Variants in SEPTIN3 observed in about 807,000 individuals in gnomAD.
The protein encoded by SEPTIN3 is septin 3, also known as neuronal-specific septin-3.
In SEPTIN3, 15 loss-of-function variants were observed where a neutral mutation model predicts 45.1. The ratio of observed to expected loss-of-function variants is 0.33; its 90% CI spans 0.22 to 0.51. SEPTIN3 has a LOEUF of 0.51. Among genes scored for constraint, SEPTIN3 ranks in the 20% least tolerant of loss-of-function variants. SEPTIN3 has a pLI of 0.97. For synonymous variants in SEPTIN3, 148 were observed against 164.8 expected, an observed-to-expected ratio of 0.90 and a Z score of 0.78; for missense variants, 289 against 457.2, an observed-to-expected ratio of 0.63 and a Z score of 3.35.
intron 2 of SEPTIN3, among the ~76,000 whole-genome samples, chr22:41,978,849 G>T (rs1218370493): frequency 6.6e-6 from 1 of 151,494 alleles, no homozygotes; most frequent in Non-Finnish European, 1.5e-5. Context: ...CACATCAGAA[G>T]GCAAAGCAGA....
intron 2 of SEPTIN3, among the ~76,000 whole-genome samples, chr22:41,978,416 A>G (rs1009550682): frequency 6.6e-6 from 1 of 152,178 alleles, no homozygotes; most frequent in African/African-American, 2.4e-5. Flanking sequence ...CATTCTGTAT[A>G]ACCTTCATAG....
At position 41,994,349 on chromosome 22, in the gene SEPTIN3, G is replaced by A; in HGVS notation, c.2411+8G>A. 1.2e-6 allele frequency: 2 copies of A among 1,613,890 alleles called. No individual in the cohort carries two copies. Among genetic ancestry groups the A allele is most frequent in the South Asian group, 1.1e-5 (1 of 91,084 alleles). ...TCGAGACTTTGTCATCAGGTAAGATGTCTCCCCTCCAGCTGTCCAGACAGC... is the reference window on the plus strand; with the variant it reads ...TCGAGACTTTGTCATCAGGTAAGATATCTCCCCTCCAGCTGTCCAGACAGC... On this transcript the variant is annotated splice_region_variant and intron_variant, in intron 10 of 11. Coordinates refer to ENST00000644076, the MANE Select transcript of SEPTIN3 (RefSeq NM_001363845.2). The surrounding 1 kb of genome is among the most constrained non-coding windows in gnomAD (Gnocchi z 4.2).
rs138798060 is a variant in SEPTIN3, at chr22:41,990,834, C to T, written c.2164-739C>T. ...ATCCCAGCACTTTGGGAGGCCAAGG[C>T]GGGTGGATCACCTAAGGTCAGGAGT... On this transcript the variant is annotated intron_variant, in intron 7 of 11. Coordinates refer to ENST00000644076, the MANE Select transcript of SEPTIN3 (RefSeq NM_001363845.2). Among the ~76,000 whole-genome samples the T allele has an allele frequency of 3.2e-3, 483 of 150,826 alleles. 1 individual carries two copies. Among genetic ancestry groups the T allele is most frequent in the Non-Finnish European group, 4.8e-3 (327 of 67,886 alleles).
Position 41,997,693 on chromosome 22 carries a change from G to C in SEPTIN3, c.*726G>C, listed in dbSNP as rs561472964. ...CCCCAGAAACCCACAATATGTACAC[G>C]CTAAGGAAAAACTAGCACCCTTCTG... On this transcript the variant is annotated 3_prime_UTR_variant, in exon 12 of 12. Coordinates refer to ENST00000644076, the MANE Select transcript of SEPTIN3 (RefSeq NM_001363845.2). The C allele has an allele frequency of 6.6e-6, 1 of 152,458 alleles. No homozygotes were observed. The highest frequency in any genetic ancestry group is 2.4e-5 in the African/African-American group (1 of 41,348). 9.4% of individuals were successfully genotyped at this position (152,458 alleles called of 1,614,324 possible).
At chr22:41,991,328 G>A (rs1445052102) in intron 7 of SEPTIN3, among the ~76,000 whole-genome samples, 1 of 152,094 alleles carries the variant, frequency 6.6e-6, no homozygotes, top group Non-Finnish European at 1.5e-5. Context: ...GTTGCGAGGC[G>A]CCTGGGACCT....
Position 41,993,850 on chromosome 22 carries a change from T to C in SEPTIN3, c.2360-440T>C, listed in dbSNP as rs543936458. ...TGCTTGGCCAATGATTTGCAAATAC[T>C]AGGTATTCAATATATGTTGAATTGG... is the stretch of plus-strand genomic sequence containing the variant. On this transcript the variant is annotated intron_variant, in intron 9 of 11. Transcript: ENST00000644076. 3.3e-5 allele frequency among the ~76,000 whole-genome samples: 5 copies of C among 152,330 alleles called. No individual in the cohort carries two copies. In the East Asian group the frequency reaches 9.6e-4, roughly 29 times the overall value.
At chr22:41,992,335 T>C (rs753812488) in intron 8 of SEPTIN3, among the ~76,000 whole-genome samples, 1 of 152,046 alleles carries the variant, frequency 6.6e-6, no homozygotes, top group Non-Finnish European at 1.5e-5. Context: ...GTTGAAATTG[T>C]GCCATTGCAC....
At chr22:41,973,137 G>A (rs550197063) in intron 2 of SEPTIN3, 141 bp downstream of exon 2, 1 of 396,652 alleles carries the variant, frequency 2.5e-6, no homozygotes, top group South Asian at 1.4e-4. Flanking sequence ...GGGAGAAAAG[G>A]AAATGGGGGT....
At chr22:41,971,304 G>A (rs1427530575) in intron 1 of SEPTIN3, among the ~76,000 whole-genome samples, 170 bp from the exon 2 acceptor site, 1 of 152,102 alleles carries the variant, frequency 6.6e-6, no homozygotes. Flanking sequence ...GGAGCCGTAG[G>A]AGGACAGGAG....
chr22:41,978,910 G>GAGGAGA (rs1207262087), intron 2 of SEPTIN3, among the ~76,000 whole-genome samples: 1 of 150,662 alleles, frequency 6.6e-6, no homozygotes, highest in Admixed American at 6.6e-5. Context: ...GGAGGAGGAG[G>GAGGAGA]AGGAGGAGGA....
In SEPTIN3 at chr22:41,971,530, A is replaced by G. The variant is rs972716727; in HGVS notation, c.38A>G (p.Gln13Arg). 5.0e-6 allele frequency: 2 copies of G among 399,128 alleles called. No individual in the cohort carries two copies. The highest frequency in any genetic ancestry group is 8.8e-5 in the Admixed American group (2 of 22,724). 24.7% of individuals were successfully genotyped at this position (399,128 alleles called of 1,614,324 possible). The change falls in exon 2 of 12, where the codon CAG (glutamine) becomes CGG (arginine). Residue 13 changes from glutamine to arginine, a missense_variant. Physicochemically the swap from Gln to Arg is conservative, Grantham distance 43 (BLOSUM62 1). Coordinates refer to ENST00000644076, the MANE Select transcript of SEPTIN3 (RefSeq NM_001363845.2). Reference sequence around the variant, plus strand: ...TTTGCTCCTGCTCCTCCAGAGATGCAGTCGCATGGAGCTCCAGGCCCGGGA... The same window carrying G: ...TTTGCTCCTGCTCCTCCAGAGATGCGGTCGCATGGAGCTCCAGGCCCGGGA... ...HNFAPAPPEM[Q>R]SHGAPGPGTS... is the part of the protein sequence containing the mutation.
At position 41,997,326 on chromosome 22, in the gene SEPTIN3, A is replaced by C; in HGVS notation, c.*359A>C. On this transcript the variant is annotated 3_prime_UTR_variant, in exon 12 of 12. Coordinates refer to ENST00000644076, the MANE Select transcript of SEPTIN3 (RefSeq NM_001363845.2). ...CAATGGCATTGCTCCCTACCCATTCATCTGCATGAGCTACTCTTGGCTTCC... is the reference window on the plus strand; with the variant it reads ...CAATGGCATTGCTCCCTACCCATTCCTCTGCATGAGCTACTCTTGGCTTCC... 8.6e-6 allele frequency: 2 copies of C among 231,216 alleles called. No individual in the cohort carries two copies. Among genetic ancestry groups the C allele is most frequent in the South Asian group, 9.3e-5 (1 of 10,754 alleles). 14.3% of individuals were successfully genotyped at this position (231,216 alleles called of 1,614,324 possible).
Position 41,994,267 on chromosome 22 carries a change from G to T in SEPTIN3, c.2360-23G>T. Reference sequence around the variant, plus strand: ...TATTAATGAACTGACTACCTGTTTTGCTTTGTTTTGTTTTGTTCATAGTGG... The same window carrying T: ...TATTAATGAACTGACTACCTGTTTTTCTTTGTTTTGTTTTGTTCATAGTGG... On this transcript the variant is annotated intron_variant, in intron 9 of 11. Coordinates refer to ENST00000644076, the MANE Select transcript of SEPTIN3 (RefSeq NM_001363845.2). This position sits in a 1 kb window ranked among gnomAD's most constrained non-coding sequence, Gnocchi z 4.2. 1.2e-6 allele frequency: 2 copies of T among 1,612,690 alleles called. No individual in the cohort carries two copies. The highest frequency in any genetic ancestry group is 1.7e-6 in the Non-Finnish European group (2 of 1,179,648).
intron 2 of SEPTIN3, 40 bp downstream of exon 2, chr22:41,973,036 G>A (rs754675549): frequency 1.0e-5 from 4 of 398,540 alleles, no homozygotes; most frequent in East Asian, 3.6e-5. Context: ...CTAGGCTGCC[G>A]GGAGGGGGAG....
At chr22:41,989,989 A>T (rs2078278689) in intron 7 of SEPTIN3, among the ~76,000 whole-genome samples, 3 of 152,006 alleles carry the variant, frequency 2.0e-5, no homozygotes. Flanking sequence ...ACGTTAGCCT[A>T]ATTGAAGGGC....
chr22:41,976,984 C>G lies in SEPTIN3; in HGVS notation c.1504+3988C>G. On this transcript the variant is annotated intron_variant, in intron 2 of 11. Transcript: ENST00000644076. The surrounding 1 kb of genome is among the most constrained non-coding windows in gnomAD (Gnocchi z 5.8). The stretch of plus-strand genomic sequence containing the variant: ...GCCCGTTTGCAGGGGCCGCTCGGCC[C>G]GGGGAAGCCCGCGCCCCGCTCAGCC... 4 of 1,486,920 alleles carry G rather than the reference C, an allele frequency of 2.7e-6. No homozygotes were observed. In the South Asian group the frequency reaches 3.7e-5, roughly 14 times the overall value. The allele number at this position is 1,486,920 out of a possible 1,614,324, so 92.1% of individuals were successfully genotyped here. A position where few individuals can be genotyped will look rare whatever the true frequency, so the allele number is the denominator to read the frequency against.
At chr22:41,977,151 T>C (rs1431085829) in intron 2 of SEPTIN3, 8 of 1,462,336 alleles carry the variant, frequency 5.5e-6, no homozygotes, top group Non-Finnish European at 1.8e-6. Context: ...GAGGCGCTCC[T>C]GGGGGAGGGT....
In SEPTIN3 at chr22:41,989,594, G is replaced by A; in HGVS notation, c.2073G>A (p.Met691Ile). 6.2e-7 allele frequency: 1 copy of A among 1,613,900 alleles called. No homozygotes were observed. Among genetic ancestry groups the A allele is most frequent in the Non-Finnish European group, 8.5e-7 (1 of 1,179,856 alleles). Reference protein sequence around the residue: ...HSLRPLDLEFMKHLSKVVNII... With the variant: ...HSLRPLDLEFIKHLSKVVNII... ...TGCGACCTCTGGATCTTGAGTTCATGAAACACCTCAGCAAGGTTGTGAACA... is the reference window on the plus strand; with the variant it reads ...TGCGACCTCTGGATCTTGAGTTCATAAAACACCTCAGCAAGGTTGTGAACA... Residue 691 changes from methionine to isoleucine, a missense_variant, in exon 7 of 12, where the codon ATG becomes ATA. Around this residue, in one of 3 missense-constraint regions of SEPTIN3, gnomAD observed 200 missense variants for 315.1 expected, o/e 0.63. Transcript: ENST00000644076.
intron 2 of SEPTIN3, among the ~76,000 whole-genome samples, chr22:41,975,357 T>C (rs574297172): frequency 6.6e-6 from 1 of 152,130 alleles, no homozygotes; most frequent in Non-Finnish European, 1.5e-5. Context: ...CTAGAAGGCA[T>C]CCAGTCTAAT....
Sources: allele counts gnomAD v4.1 joint callset (sites outside exome capture counted in the v4.1 genomes callset), GRCh38; gene constraint gnomAD v4.1.1; regional missense constraint gnomAD v4.1.1; non-coding constraint Gnocchi (gnomAD v3.1); transcripts MANE v1.5; gene names NCBI Gene and HGNC (gene_info 2026-07-23, HGNC 2026-07-21).